The following RPH3A variants were observed in gnomAD, a reference collection of about 807,000 sequenced individuals.
RPH3A encodes rabphilin-3A.
RPH3A carries 48 observed loss-of-function variants against 102.2 expected under a neutral mutation model. The ratio of observed to expected loss-of-function variants is 0.47; its 90% confidence interval spans 0.37 to 0.60. The LOEUF is 0.60. Ranked by LOEUF, RPH3A falls within the 20% of genes least tolerant of loss-of-function variation. The pLI is 0.00. For missense variants in RPH3A, 781 were observed against 910.1 expected (o/e 0.86, Z 1.83); for synonymous variants, 310 against 324.3 (o/e 0.96, Z 0.47).
intron 1 of RPH3A, among the ~76,000 whole-genome samples, chr12:112,743,921 C>A (rs559301436): frequency 1.3e-5 from 2 of 152,184 alleles, no homozygotes; most frequent in African/African-American, 4.8e-5. Context: ...TGTACACACA[C>A]GCTTTCACCC....
chr12:112,802,926 G>C (rs2041383047), intron 2 of RPH3A, among the ~76,000 whole-genome samples: 1 of 152,192 alleles, frequency 6.6e-6, no homozygotes, highest in African/African-American at 2.4e-5. Flanking sequence ...AAAGCAGAAA[G>C]GCTCATTTTG....
intron 1 of RPH3A, among the ~76,000 whole-genome samples, chr12:112,786,255 A>G (rs1391216521): frequency 1.2e-4 from 18 of 152,192 alleles, no homozygotes. Flanking sequence ...GCCAAGTCCT[A>G]CTGTGTCTTT....
At chr12:112,576,908 C>CTTTTTTTTT (rs1491257403) in intron 1 of RPH3A, among the ~76,000 whole-genome samples, 1 of 89,874 alleles carries the variant, frequency 1.1e-5, no homozygotes, top group African/African-American at 6.2e-5. Flanking sequence ...TTCTTTTCTT[C>CTTTTTTTTT]CTTTTTTTTT....
At chr12:112,712,895 T>TTCTTCC (rs1565856669) in intron 1 of RPH3A, among the ~76,000 whole-genome samples, 21 of 132,488 alleles carry the variant, frequency 1.6e-4, no homozygotes, top group African/African-American at 5.7e-4. Flanking sequence ...CTTCTTCTTC[T>TTCTTCC]TCTTCTTCCT....
upstream of RPH3A, among the ~76,000 whole-genome samples, chr12:112,790,593 T>G: frequency 6.6e-6 from 1 of 152,218 alleles, no homozygotes. Flanking sequence ...TTTGAGCCCT[T>G]TCCCAAAGTT....
At chr12:112,785,370 C>T (rs1025024696) in intron 1 of RPH3A, among the ~76,000 whole-genome samples, 1 of 152,096 alleles carries the variant, frequency 6.6e-6, no homozygotes, top group Middle Eastern at 3.2e-3. Context: ...ATGGAAATGA[C>T]ATTAAGTCAC....
rs1455882234 is a variant in RPH3A at position 112,705,563 on chromosome 12, C to T, written c.-139-86580C>T. ...GATAATTATGAAGGTAATTTAGACC[C>T]ATGGAAAATTGTGTGGAAAAAAGTA... On this transcript the variant is annotated intron_variant, in intron 1 of 21. Transcript: ENST00000543106. 2.0e-5 allele frequency among the ~76,000 whole-genome samples: 3 copies of T among 152,010 alleles called. No homozygotes were observed. The East Asian group carries it at 5.8e-4, about 29-fold the overall frequency.
intron 1 of RPH3A, among the ~76,000 whole-genome samples, chr12:112,682,620 A>T (rs1032763356): frequency 2.6e-5 from 4 of 152,032 alleles, no homozygotes; most frequent in African/African-American, 9.7e-5. Flanking sequence ...CCCCTCTCTT[A>T]TGGCTCTGCC....
intron 1 of RPH3A, among the ~76,000 whole-genome samples, chr12:112,614,208 G>A (rs1446059111): frequency 1.3e-5 from 2 of 152,130 alleles, no homozygotes; most frequent in Non-Finnish European, 2.9e-5. Flanking sequence ...TTGCATTGTT[G>A]AAATCTCCTA....
chr12:112,578,339 A>G (rs2039373692), intron 1 of RPH3A, among the ~76,000 whole-genome samples: 1 of 152,186 alleles, frequency 6.6e-6, no homozygotes, highest in Non-Finnish European at 1.5e-5. Context: ...GGTGCTACTG[A>G]CTTCACCTTT....
At chr12:112,730,610 A>G (rs1356412947) in intron 1 of RPH3A, among the ~76,000 whole-genome samples, 1 of 152,120 alleles carries the variant, frequency 6.6e-6, no homozygotes, top group East Asian at 1.9e-4. Flanking sequence ...TGGTTCTTTT[A>G]TAAGTGTTGA....
chr12:112,611,632 AG>A (rs1216334669), intron 1 of RPH3A, among the ~76,000 whole-genome samples: 2 of 151,868 alleles, frequency 1.3e-5, no homozygotes, highest in Non-Finnish European at 2.9e-5. Context: ...AGAGATTGGG[AG>A]GGGGGGTTCA....
In RPH3A at chr12:112,791,867, G is replaced by GGGGGGAGAGAGAGAGAGAGAGAGAGAGA. The variant is rs1555209147; in HGVS notation, c.-284_-283insGGGGAGAGAGAGAGAGAGAGAGAGAGAG. On this transcript the variant is annotated 5_prime_UTR_variant, in exon 1 of 22. Coordinates refer to ENST00000389385, the MANE Select transcript of RPH3A (RefSeq NM_001143854.2). ...CGCGGACTGGAAAGGAAGGGAGAAG[G>GGGGGGAGAGAGAGAGAGAGAGAGAGAGA]GAGAGAGAGAGAGAGAGAGAGAGAG... is the stretch of plus-strand genomic sequence containing the variant. 4.1e-5 allele frequency: 2 copies of GGGGGGAGAGAGAGAGAGAGAGAGAGAGA among 48,506 alleles called. No homozygotes were observed. Among genetic ancestry groups the GGGGGGAGAGAGAGAGAGAGAGAGAGAGA allele is most frequent in the African/African-American group, 1.9e-4 (2 of 10,428 alleles). 3.0% of individuals were successfully genotyped at this position (48,506 alleles called of 1,614,324 possible).
At chr12:112,585,567 T>C (rs890401365) in intron 1 of RPH3A, among the ~76,000 whole-genome samples, 1 of 152,162 alleles carries the variant, frequency 6.6e-6, no homozygotes, top group Non-Finnish European at 1.5e-5. Context: ...AAACCCCGTC[T>C]CTACTAAAAA....
chr12:112,624,802 C>A (rs1592913737), intron 1 of RPH3A, among the ~76,000 whole-genome samples: 1 of 20,010 alleles, frequency 5.0e-5, no homozygotes, highest in Non-Finnish European at 8.6e-5. Context: ...ATGCAAAAAT[C>A]CTCAATAAAA....
At chr12:112,673,238 C>T (rs751745988) in intron 1 of RPH3A, among the ~76,000 whole-genome samples, 5 of 152,196 alleles carry the variant, frequency 3.3e-5, no homozygotes, top group Non-Finnish European at 7.3e-5. Flanking sequence ...CTCCTTTGAG[C>T]CTCAACTCAC....
chr12:112,621,795 C>A (rs1443097167), intron 1 of RPH3A, among the ~76,000 whole-genome samples: 1 of 151,844 alleles, frequency 6.6e-6, no homozygotes, highest in African/African-American at 2.4e-5. Context: ...CCTCTGCAGA[C>A]TTAAATGTCC....
intron 1 of RPH3A, among the ~76,000 whole-genome samples, chr12:112,624,694 T>C (rs2039758863): frequency 7.0e-6 from 1 of 142,818 alleles, no homozygotes; most frequent in African/African-American, 2.6e-5. Context: ...GAATCCTCCC[T>C]AACTCATTTT....
chr12:112,743,540 C>T (rs893421584), intron 1 of RPH3A, among the ~76,000 whole-genome samples: 1 of 152,234 alleles, frequency 6.6e-6, no homozygotes, highest in Non-Finnish European at 1.5e-5. Flanking sequence ...CCAACAAACT[C>T]TTCTCTGTAT....
Sources: allele counts gnomAD v4.1 joint callset (sites outside exome capture counted in the v4.1 genomes callset), GRCh38; gene constraint gnomAD v4.1.1; transcripts MANE v1.5; gene names NCBI Gene and HGNC (gene_info 2026-07-23, HGNC 2026-07-21).